PKD1L1: variants seen among roughly 807,000 people sequenced by gnomAD.
PKD1L1 encodes polycystin 1 like 1, transient receptor potential channel interacting, also known as polycystin-1-like protein 1.
In PKD1L1, 236 loss-of-function variants were observed where a neutral mutation model predicts 323.4. The ratio of observed to expected loss-of-function variants is 0.73; its 90% CI spans 0.66 to 0.81. The LOEUF (loss-of-function observed/expected upper bound fraction) is 0.81. PKD1L1 is among the 40% of genes least tolerant of loss of function. PKD1L1 has a pLI of 0.00. For synonymous variants in PKD1L1, 1,344 were observed against 1,335.0 expected, an observed-to-expected ratio of 1.01 and a Z score of -0.15; for missense variants, 3,320 against 3,508.0, an observed-to-expected ratio of 0.95 and a Z score of 1.35.
intron 56 of PKD1L1, among the ~76,000 whole-genome samples, chr7:47,781,295 G>C (rs938053998): frequency 6.6e-6 from 1 of 150,942 alleles, no homozygotes; most frequent in Non-Finnish European, 1.5e-5. Flanking sequence ...GTAGATACTA[G>C]TTCTTTGTTG....
At chr7:47,957,367 G>A in the PKD1L1 span, 5 of 152,182 alleles carry the variant, frequency 3.3e-5, no homozygotes, top group Admixed American at 1.3e-4. Flanking sequence ...CATCTAAATC[G>A]GAAAGGAGGA....
At chr7:47,863,132 T>C (rs906571163) in intron 26 of PKD1L1, among the ~76,000 whole-genome samples, 1 of 151,960 alleles carries the variant, frequency 6.6e-6, no homozygotes, top group East Asian at 1.9e-4. Flanking sequence ...TATAAGTGAA[T>C]GGATGAGGGG....
intron 7 of PKD1L1, among the ~76,000 whole-genome samples, chr7:47,921,983 C>T (rs1347899525): frequency 1.3e-5 from 2 of 151,428 alleles, no homozygotes; most frequent in African/African-American, 4.9e-5. Context: ...GACTGTACTG[C>T]TGCCATCTCC....
chr7:47,812,975 T>C, intron 49 of PKD1L1, 146 bp downstream of exon 49: 1 of 910,474 alleles, frequency 1.1e-6, no homozygotes, highest in South Asian at 1.7e-5. Context: ...ATGACAAGTC[T>C]GGCTGGAGCC....
intron 47 of PKD1L1, among the ~76,000 whole-genome samples, chr7:47,815,086 C>G (rs1321387433): frequency 6.6e-6 from 1 of 152,094 alleles, no homozygotes; most frequent in East Asian, 1.9e-4. Flanking sequence ...CTATCTCAGG[C>G]CTGGGAAGCA....
chr7:47,929,371 A>T lies in PKD1L1; in HGVS notation c.893T>A (p.Leu298Gln). 1 of 1,614,222 alleles carries T rather than the reference A, an allele frequency of 6.2e-7. No homozygotes were observed. The highest frequency in any genetic ancestry group is 8.5e-7 in the Non-Finnish European group (1 of 1,180,044). Residue 298 changes from leucine (L) to glutamine (Q), a missense_variant, in exon 7 of 57, where the codon CTG becomes CAG. Physicochemically the swap from Leu to Gln is moderately radical, Grantham distance 113. Transcript: ENST00000289672. ...TGGAGGTGCCCGAGCTTCCACTTCC[A>T]GGGAGCAATTAAGAACAGGGTTCAT... Reference protein sequence around the residue: ...NFMNPVLNCSLEVEARAPPNL... With the variant: ...NFMNPVLNCSQEVEARAPPNL...
chr7:47,809,640 T>G, intron 50 of PKD1L1, 63 bp from the exon 51 acceptor site: 1 of 1,243,110 alleles, frequency 8.0e-7, no homozygotes, highest in Non-Finnish European at 1.1e-6. Flanking sequence ...TTTTTGAAGG[T>G]CTAAACATGT....
At chr7:47,916,762 T>C (rs150113749) in intron 7 of PKD1L1, among the ~76,000 whole-genome samples, 1 of 152,060 alleles carries the variant, frequency 6.6e-6, no homozygotes, top group African/African-American at 2.4e-5. Context: ...GGAAGCCACA[T>C]CCATAGGAAA....
At chr7:47,905,416 A>G in intron 10 of PKD1L1, 91 bp from the exon 11 acceptor site, 2 of 1,404,624 alleles carry the variant, frequency 1.4e-6, no homozygotes, top group Non-Finnish European at 2.0e-6. Context: ...CCACTTGGTC[A>G]TGGGCTTGAG....
chr7:47,882,971 G>A (rs1786596944), intron 19 of PKD1L1, among the ~76,000 whole-genome samples: 1 of 152,166 alleles, frequency 6.6e-6, no homozygotes, highest in Admixed American at 6.5e-5. Flanking sequence ...AGGCTAAGGA[G>A]GCTCCTTTAA....
chr7:47,953,172 C>A (rs923408629), upstream of PKD1L1, among the ~76,000 whole-genome samples: 1 of 152,120 alleles, frequency 6.6e-6, no homozygotes, highest in Non-Finnish European at 1.5e-5. Context: ...TAGGGAATTG[C>A]CATAACCACC....
chr7:47,826,146 A>G (rs1335990384), intron 45 of PKD1L1, among the ~76,000 whole-genome samples: 1 of 152,036 alleles, frequency 6.6e-6, no homozygotes, highest in Non-Finnish European at 1.5e-5. Context: ...AGGAGCTTGG[A>G]GTTCTATTCT....
the PKD1L1 span, among the ~76,000 whole-genome samples, chr7:47,955,978 T>C: frequency 3.3e-5 from 5 of 152,180 alleles, no homozygotes; most frequent in African/African-American, 1.2e-4. Flanking sequence ...CCTATTACAA[T>C]CCGTATGAAA....
intron 25 of PKD1L1, 25 bp from the exon 26 acceptor site, chr7:47,865,297 A>C: frequency 6.2e-7 from 1 of 1,600,538 alleles, no homozygotes; most frequent in Non-Finnish European, 8.5e-7. Context: ...CAACAATAAA[A>C]CAAAAAGAAA....
intron 15 of PKD1L1, 136 bp downstream of exon 15, chr7:47,893,738 CTAAA>C: frequency 1.2e-6 from 1 of 839,962 alleles, no homozygotes; most frequent in Non-Finnish European, 1.8e-6. Context: ...TATTTTGTTC[CTAAA>C]TAAAGCAGTT....
In PKD1L1 at chr7:47,948,446, G is replaced by A. The variant is rs370899300; in HGVS notation, c.-6C>T. The A allele has an allele frequency of 3.1e-5, 50 of 1,613,894 alleles. No individual in the cohort carries two copies. The highest frequency in any genetic ancestry group is 1.1e-4 in the East Asian group (5 of 44,896). ...TGGGCTGCCTCCTCGGCCATGTCCT[G>A]TGCAAGCTGGTCACAAGTATGACAG... On this transcript the variant is annotated 5_prime_UTR_variant, in exon 1 of 57. Transcript: ENST00000289672.
At chr7:47,842,608 C>T (rs1303852436) in intron 34 of PKD1L1, among the ~76,000 whole-genome samples, 2 of 152,200 alleles carry the variant, frequency 1.3e-5, no homozygotes, top group East Asian at 3.9e-4. Flanking sequence ...TCATCCTCCA[C>T]CAGCTTCTCT....
At chr7:47,853,508 C>T (rs919277066) in intron 30 of PKD1L1, among the ~76,000 whole-genome samples, 9 of 152,110 alleles carry the variant, frequency 5.9e-5, no homozygotes, top group South Asian at 2.1e-4. Flanking sequence ...TTTGGGAGGC[C>T]GAGATGGGCG....
chr7:47,841,176 G>C (rs1251112849), intron 34 of PKD1L1, among the ~76,000 whole-genome samples: 1 of 152,164 alleles, frequency 6.6e-6, no homozygotes, highest in Non-Finnish European at 1.5e-5. Flanking sequence ...TCACCTTTCT[G>C]TCTCTAATGT....
Sources: allele counts gnomAD v4.1 joint callset (sites outside exome capture counted in the v4.1 genomes callset), GRCh38; gene constraint gnomAD v4.1.1; transcripts MANE v1.5; gene names NCBI Gene and HGNC (gene_info 2026-07-23, HGNC 2026-07-21).